PIP5K1B: variants seen among roughly 807,000 people sequenced by gnomAD.
The protein encoded by PIP5K1B is phosphatidylinositol 4-phosphate 5-kinase type-1 beta.
A neutral mutation model predicts 67.0 loss-of-function variants in PIP5K1B; 42 were observed. The observed-to-expected ratio is 0.63, with a 90% confidence interval of 0.49 to 0.81. PIP5K1B has a LOEUF of 0.81. Ranked by LOEUF, PIP5K1B falls within the 30% of genes least tolerant of loss-of-function variation. PIP5K1B has a pLI of 0.00. For synonymous variants in PIP5K1B, 214 were observed against 231.4 expected (o/e 0.92, Z 0.68); for missense variants, 459 against 646.3 (o/e 0.71, Z 3.14).
chr9:68,837,788 T>A (rs1821701816), intron 4 of PIP5K1B, among the ~76,000 whole-genome samples: 2 of 151,934 alleles, frequency 1.3e-5, no homozygotes, highest in African/African-American at 2.4e-5. Flanking sequence ...TTCTTAGTGA[T>A]GTTTTTACAT....
At chr9:68,960,862 C>G (rs118129450) in intron 14 of PIP5K1B, among the ~76,000 whole-genome samples, 2,918 of 152,296 alleles carry the variant, frequency 0.019, 34 homozygotes, top group Non-Finnish European at 0.029. Context: ...ATCTCTTTTA[C>G]AATAGTAGCT....
At chr9:68,940,813 A>ATT in intron 14 of PIP5K1B, 23 bp downstream of exon 14, 1 of 1,610,210 alleles carries the variant, frequency 6.2e-7, no homozygotes, top group Non-Finnish European at 8.5e-7. Context: ...GCAGTCAAAT[A>ATT]ACCCATCAGG....
chr9:68,886,183 A>G (rs2132365054), intron 6 of PIP5K1B, among the ~76,000 whole-genome samples: 1 of 152,248 alleles, frequency 6.6e-6, no homozygotes, highest in East Asian at 1.9e-4. Context: ...CGTCTGAAAA[A>G]AAAAAAAGAA....
At chr9:68,851,702 A>G (rs1408080683) in intron 4 of PIP5K1B, among the ~76,000 whole-genome samples, 1 of 152,218 alleles carries the variant, frequency 6.6e-6, no homozygotes, top group African/African-American at 2.4e-5. Flanking sequence ...GGATGCAGAG[A>G]CCAGAAATCA....
At chr9:69,002,540 C>T (rs1374609444) in intron 15 of PIP5K1B, among the ~76,000 whole-genome samples, 1 of 152,138 alleles carries the variant, frequency 6.6e-6, no homozygotes, top group Non-Finnish European at 1.5e-5. Context: ...CCCCACTGCA[C>T]TACATCCCCA....
chr9:68,892,587 T>C (rs1587626591), intron 7 of PIP5K1B, among the ~76,000 whole-genome samples: 2 of 152,194 alleles, frequency 1.3e-5, no homozygotes, highest in South Asian at 4.1e-4. Flanking sequence ...TTCAGATCTT[T>C]CACATACACA....
Position 68,894,622 on chromosome 9 carries a change from T to C in PIP5K1B, c.755T>C (p.Leu252Pro). 1.9e-6 allele frequency: 3 copies of C among 1,613,810 alleles called. No individual in the cohort carries two copies. Among genetic ancestry groups the C allele is most frequent in the Non-Finnish European group, 2.5e-6 (3 of 1,179,700 alleles). The change falls in exon 8 of 16, where the codon CTT becomes CCT. Residue 252 changes from leucine (L) to proline (P), a missense_variant. This residue lies in a region of PIP5K1B where 290 missense variants were observed against 474.4 expected (regional missense o/e 0.61). Coordinates refer to ENST00000265382, the MANE Select transcript of PIP5K1B (RefSeq NM_003558.4). Reference sequence around the variant, plus strand: ...ACATACAACGCGCTTATGAAAACACTTCAGAGAGACTGCCGGGTAAGGAAG... The same window carrying C: ...ACATACAACGCGCTTATGAAAACACCTCAGAGAGACTGCCGGGTAAGGAAG... ...TETYNALMKT[L>P]QRDCRVLESF...
At chr9:68,945,480 G>T (rs1216900992) in intron 14 of PIP5K1B, among the ~76,000 whole-genome samples, 3 of 152,146 alleles carry the variant, frequency 2.0e-5, no homozygotes, top group African/African-American at 7.2e-5. Context: ...TATAGTATTT[G>T]TTCTACCAGC....
intron 14 of PIP5K1B, among the ~76,000 whole-genome samples, chr9:68,981,992 G>C (rs1327596378): frequency 6.6e-6 from 1 of 152,174 alleles, no homozygotes; most frequent in African/African-American, 2.4e-5. Context: ...TTTTACAAGG[G>C]AAGAACATAG....
rs1274531740 is a variant in PIP5K1B at position 68,889,280 on chromosome 9, C to A, written c.471+147C>A. 5 of 624,694 alleles carry A rather than the reference C, an allele frequency of 8.0e-6. No individual in the cohort carries two copies. The East Asian group carries it at 1.4e-4, about 17-fold the overall frequency. 38.7% of individuals were successfully genotyped at this position (624,694 alleles called of 1,614,324 possible). A position where few individuals can be genotyped will look rare whatever the true frequency, so the allele number is the denominator to read the frequency against. On this transcript the variant is annotated intron_variant, in intron 7 of 15. Transcript: ENST00000265382. The stretch of plus-strand genomic sequence containing the variant: ...TGCATTTAAATTATGCTATGACATT[C>A]ATTGAATAGATTTTTTAAAGTAAAC...
At chr9:68,955,677 G>A (rs542437122) in intron 14 of PIP5K1B, among the ~76,000 whole-genome samples, 4 of 152,112 alleles carry the variant, frequency 2.6e-5, no homozygotes, top group Non-Finnish European at 5.9e-5. Flanking sequence ...AGCTGGCCTC[G>A]GGTTAAAATA....
intron 2 of PIP5K1B, among the ~76,000 whole-genome samples, chr9:68,745,094 A>G (rs559233914): frequency 1.2e-3 from 186 of 152,244 alleles, no homozygotes; most frequent in African/African-American, 4.2e-3. Context: ...CCAGCTCTCC[A>G]GTTCTTCAGA....
intron 8 of PIP5K1B, among the ~76,000 whole-genome samples, chr9:68,898,779 T>C (rs911694811): frequency 1.3e-5 from 2 of 152,186 alleles, no homozygotes; most frequent in Non-Finnish European, 2.9e-5. Flanking sequence ...AACTCATGGC[T>C]CTGCCCCCTC....
chr9:68,979,342 G>A (rs968583288), intron 14 of PIP5K1B, among the ~76,000 whole-genome samples: 1 of 152,200 alleles, frequency 6.6e-6, no homozygotes, highest in Non-Finnish European at 1.5e-5. Flanking sequence ...GAAATAACAT[G>A]TGTAATACAG....
intron 8 of PIP5K1B, among the ~76,000 whole-genome samples, chr9:68,904,045 T>C (rs1294519894): frequency 6.6e-6 from 1 of 151,248 alleles, no homozygotes; most frequent in Non-Finnish European, 1.5e-5. Context: ...ACAACAGCCA[T>C]GTGAAGTGAG....
chr9:68,875,311 A>C lies in PIP5K1B; in HGVS notation c.201-1366A>C, dbSNP rs1480495629. Reference sequence around the variant, plus strand: ...GGTACTCAGCAAAAAAAAAAAAAAAAAAAAAAAAAAAAAAACAGTCATCTG... The same window carrying C: ...GGTACTCAGCAAAAAAAAAAAAAAACAAAAAAAAAAAAAAACAGTCATCTG... On this transcript the variant is annotated intron_variant, in intron 5 of 15. Transcript: ENST00000265382. Among the ~76,000 whole-genome samples the C allele has an allele frequency of 2.7e-5, 4 of 150,590 alleles. 1 individual carries two copies. The highest frequency in any genetic ancestry group is 1.9e-4 in the East Asian group (1 of 5,168).
chr9:68,979,048 G>A (rs1392914145), intron 14 of PIP5K1B, among the ~76,000 whole-genome samples: 1 of 152,156 alleles, frequency 6.6e-6, no homozygotes, highest in Non-Finnish European at 1.5e-5. Context: ...ATCAAGACTT[G>A]TATATAGAAA....
At chr9:68,844,400 A>G (rs1490351445) in intron 4 of PIP5K1B, among the ~76,000 whole-genome samples, 1 of 152,166 alleles carries the variant, frequency 6.6e-6, no homozygotes, top group Non-Finnish European at 1.5e-5. Flanking sequence ...TGAGCAATCA[A>G]CTATGCATCG....
rs1443646987 is a variant in PIP5K1B, at chr9:68,822,613, A to G, written c.1-2A>G. On this transcript the variant is annotated splice_acceptor_variant, in intron 3 of 15. Transcript: ENST00000265382. LOFTEE classifies it low-confidence loss of function (5UTR_SPLICE). ...TCAAAGGGCAGTGTGTTTCTCTTGT[A>G]GATGTCTTCTGCTGCTGAAAATGGA... 1 of 1,609,898 alleles carries G rather than the reference A, an allele frequency of 6.2e-7. No individual in the cohort carries two copies.
Sources: allele counts gnomAD v4.1 joint callset (sites outside exome capture counted in the v4.1 genomes callset), GRCh38; gene constraint gnomAD v4.1.1; regional missense constraint gnomAD v4.1.1; transcripts MANE v1.5; gene names NCBI Gene and HGNC (gene_info 2026-07-23, HGNC 2026-07-21).